The following ATG16L2 variants were observed in gnomAD, a reference collection of about 807,000 sequenced individuals.
ATG16L2 encodes the protein protein Atg16l2.
In ATG16L2, 77 loss-of-function variants were observed where a neutral mutation model predicts 84.7. The ratio of observed to expected loss-of-function variants is 0.91; its 90% CI spans 0.76 to 1.10. ATG16L2 has a LOEUF of 1.10. ATG16L2 is among the 50% of genes least tolerant of loss of function. ATG16L2 has a pLI of 0.00. For missense variants in ATG16L2, 782 were observed against 817.6 expected (o/e 0.96, Z 0.53); for synonymous variants, 361 against 342.8 (o/e 1.05, Z -0.59).
chr11:72,817,696 G>A (rs111451981), intron 2 of ATG16L2, 60 bp from the exon 3 acceptor site: 2 of 1,540,466 alleles, frequency 1.3e-6, no homozygotes, highest in African/African-American at 1.4e-5. Flanking sequence ...CATCACTTGG[G>A]TGCCTTTGGG....
chr11:72,826,509 T>C lies in ATG16L2; in HGVS notation c.1174-9T>C. 1 of 1,613,948 alleles carries C rather than the reference T, an allele frequency of 6.2e-7. No homozygotes were observed. The highest frequency in any genetic ancestry group is 1.3e-5 in the African/African-American group (1 of 75,018). On this transcript the variant is annotated splice_polypyrimidine_tract_variant and intron_variant, in intron 11 of 17. Coordinates refer to ENST00000321297, the MANE Select transcript of ATG16L2 (RefSeq NM_033388.2). ...TTAGCACCTCTCACTTCCTCTCCCA[T>C]TTCTCCAGGGCTACCAGGTTTTAGC...
chr11:72,816,035 G>A (rs546607595), intron 1 of ATG16L2: 6 of 152,570 alleles, frequency 3.9e-5, no homozygotes, highest in Admixed American at 3.9e-4. Flanking sequence ...CTGGAGTGCA[G>A]TGGTGTGATC....
In ATG16L2 at chr11:72,822,712, A is replaced by G. The variant is rs1591303908; in HGVS notation, c.711-136A>G. 4 of 1,042,906 alleles carry G rather than the reference A, an allele frequency of 3.8e-6. No homozygotes were observed. In the South Asian group the frequency reaches 6.2e-5, roughly 16 times the overall value. 64.6% of individuals were successfully genotyped at this position (1,042,906 alleles called of 1,614,324 possible). On this transcript the variant is annotated intron_variant, in intron 6 of 17. Coordinates refer to ENST00000321297, the MANE Select transcript of ATG16L2 (RefSeq NM_033388.2). The surrounding 1 kb of genome is among the most constrained non-coding windows in gnomAD (Gnocchi z 4.2). ...GGACCGTGTGGTCGTAGGAGCCTGC[A>G]TGCGTGACCGCTGCACGTGTACACC...
In ATG16L2 at chr11:72,822,539, A is replaced by G; in HGVS notation, c.706A>G (p.Ser236Gly). ...GGCTGCCAAGCGGACCGTGAGCATC[A>G]GCGAGTAAGAGTGGGGATGGGCCGG... Reference protein sequence around the residue: ...KKAAKRTVSISEGPDTLGDGM... With the variant: ...KKAAKRTVSIGEGPDTLGDGM... The change falls in exon 6 of 18, where the codon AGC becomes GGC. Residue 236 changes from serine to glycine, a missense_variant. By Grantham distance (56) the Ser-to-Gly change is moderately conservative (BLOSUM62 0). Coordinates refer to ENST00000321297, the MANE Select transcript of ATG16L2 (RefSeq NM_033388.2). The surrounding 1 kb of genome is among the most constrained non-coding windows in gnomAD (Gnocchi z 4.2). 1.2e-6 allele frequency: 2 copies of G among 1,612,492 alleles called. No homozygotes were observed. Among genetic ancestry groups the G allele is most frequent in the African/African-American group, 1.3e-5 (1 of 74,928 alleles).
chr11:72,823,594 G>T, intron 7 of ATG16L2: 1 of 427,668 alleles, frequency 2.3e-6, no homozygotes, highest in South Asian at 1.7e-5. Context: ...TGAAGAAACC[G>T]TGGGGAGGGG....
At position 72,821,397 on chromosome 11, in the gene ATG16L2, T is replaced by TG. The variant is rs534666788; in HGVS notation, c.319-270dup. ...GCGAGGCAGTGGAGCGGGTTGCTCT[T>TG]GCCAGAGAGGTTCCTAGTAGGGTCG... On this transcript the variant is annotated intron_variant, in intron 3 of 17. Coordinates refer to ENST00000321297, the MANE Select transcript of ATG16L2 (RefSeq NM_033388.2). 752 of 1,269,850 alleles carry TG rather than the reference T, an allele frequency of 5.9e-4. 16 individuals are homozygous for TG. In the South Asian group the frequency reaches 0.013, roughly 22 times the overall value. The allele number at this position is 1,269,850 out of a possible 1,614,324, so 78.7% of individuals were successfully genotyped here. A position where few individuals can be genotyped will look rare whatever the true frequency, so the allele number is the denominator to read the frequency against.
rs759325995 is a variant in ATG16L2, at chr11:72,822,438, G to T, written c.645-40G>T. 1 of 1,612,098 alleles carries T rather than the reference G, an allele frequency of 6.2e-7. No individual in the cohort carries two copies. Among genetic ancestry groups the T allele is most frequent in the Non-Finnish European group, 8.5e-7 (1 of 1,179,102 alleles). On this transcript the variant is annotated intron_variant, in intron 5 of 17. Coordinates refer to ENST00000321297, the MANE Select transcript of ATG16L2 (RefSeq NM_033388.2). The surrounding 1 kb of genome is among the most constrained non-coding windows in gnomAD (Gnocchi z 4.2). The stretch of plus-strand genomic sequence containing the variant: ...GGGTCTAGCCCCGCCTGCGTGCGAG[G>T]CGCCGCGCCAGGGTCTCAGGATGCT...
Position 72,826,799 on chromosome 11 carries a change from G to A in ATG16L2, c.1342G>A (p.Glu448Lys). 1 of 1,613,956 alleles carries A rather than the reference G, an allele frequency of 6.2e-7. No homozygotes were observed. Among genetic ancestry groups the A allele is most frequent in the Non-Finnish European group, 8.5e-7 (1 of 1,179,972 alleles). Residue 448 changes from glutamate to lysine, a missense_variant, in exon 13 of 18, where the codon GAG (glutamate) becomes AAG (lysine). Physicochemically the swap from Glu to Lys is moderately conservative, Grantham distance 56. Coordinates refer to ENST00000321297, the MANE Select transcript of ATG16L2 (RefSeq NM_033388.2). ...VTGSRDRTVK[E>K]WDLGRAYCSR... ...TGGGAGCCGCGACCGGACAGTGAAG[G>A]AGTGGGACCTCGGCCGTGCCTATTG...
At position 72,826,620 on chromosome 11, in the gene ATG16L2, G is replaced by A. The variant is rs749927245; in HGVS notation, c.1245+31G>A. On this transcript the variant is annotated intron_variant, in intron 12 of 17. Coordinates refer to ENST00000321297, the MANE Select transcript of ATG16L2 (RefSeq NM_033388.2). ...GCCTGACTGGGGAGGCTGCCTGGAG[G>A]TCAGAGGTCATACCTCAGGACTAGG... 40 of 1,614,158 alleles carry A rather than the reference G, an allele frequency of 2.5e-5. No homozygotes were observed. The South Asian group carries it at 2.7e-4, about 11-fold the overall frequency.
In ATG16L2 at chr11:72,826,525, A is replaced by G; in HGVS notation, c.1181A>G (p.Gln394Arg). Residue 394 changes from glutamine (Q) to arginine (R), a missense_variant, in exon 12 of 18, where the codon CAG (glutamine) becomes CGG (arginine). Transcript: ENST00000321297. ...TSVDFDPSGY[Q>R]VLAATYNQAA... ...CCTCTCCCATTTCTCCAGGGCTACC[A>G]GGTTTTAGCAGCAACTTACAACCAG... 6.2e-7 allele frequency: 1 copy of G among 1,614,108 alleles called. No homozygotes were observed. Among genetic ancestry groups the G allele is most frequent in the Non-Finnish European group, 8.5e-7 (1 of 1,180,010 alleles).
At chr11:72,828,201 A>G (rs1860476170) in intron 14 of ATG16L2, among the ~76,000 whole-genome samples, 158 bp from the exon 15 acceptor site, 1 of 152,248 alleles carries the variant, frequency 6.6e-6, no homozygotes, top group Admixed American at 6.5e-5. Flanking sequence ...AGTGGGGAGA[A>G]GGGAGATGAG....
intron 5 of ATG16L2, chr11:72,841,101 A>G: frequency 1.5e-6 from 1 of 673,832 alleles, no homozygotes; most frequent in Non-Finnish European, 2.7e-6. Context: ...CCAGAAGTTC[A>G]AGGCTGCAGT....
chr11:72,822,382 G>A lies in ATG16L2; in HGVS notation c.644+87G>A, dbSNP rs1860061503. 1.3e-6 allele frequency: 2 copies of A among 1,584,386 alleles called. No homozygotes were observed. Among genetic ancestry groups the A allele is most frequent in the Non-Finnish European group, 1.7e-6 (2 of 1,165,924 alleles). ...CCTCGCCGGTGTCTGGAAGGGAGGG[G>A]GGCAGCAGCCGCCCCCTGGAGGAAG... On this transcript the variant is annotated intron_variant, in intron 5 of 17. Coordinates refer to ENST00000321297, the MANE Select transcript of ATG16L2 (RefSeq NM_033388.2). This position sits in a 1 kb window ranked among gnomAD's most constrained non-coding sequence, Gnocchi z 4.2.
At chr11:72,817,114 C>T (rs1343212998) in intron 2 of ATG16L2, among the ~76,000 whole-genome samples, 3 of 152,224 alleles carry the variant, frequency 2.0e-5, no homozygotes, top group African/African-American at 7.2e-5. Flanking sequence ...TTTTCCCTTT[C>T]TCAGTCTTTT....
intron 5 of ATG16L2, chr11:72,841,039 G>T: frequency 9.3e-7 from 1 of 1,076,474 alleles, no homozygotes; most frequent in Non-Finnish European, 1.4e-6. Flanking sequence ...ATGGTGGCTT[G>T]AGCCTGTAAT....
chr11:72,826,241 T>A lies in ATG16L2; in HGVS notation c.1171T>A (p.Ser391Thr). ...GSITSVDFDP[S>T]GYQVLAATYN... ...CATCACCAGTGTGGACTTTGACCCCTCGGTGAGGAACTCTGCCCCAGTGGC... is the reference window on the plus strand; with the variant it reads ...CATCACCAGTGTGGACTTTGACCCCACGGTGAGGAACTCTGCCCCAGTGGC... The change falls in exon 11 of 18, where the codon TCG becomes ACG. Residue 391 changes from serine to threonine, a missense_variant and splice_region_variant. By Grantham distance (58) the Ser-to-Thr change is moderately conservative. Transcript: ENST00000321297. 6.2e-7 allele frequency: 1 copy of A among 1,613,742 alleles called. No individual in the cohort carries two copies. The highest frequency in any genetic ancestry group is 8.5e-7 in the Non-Finnish European group (1 of 1,179,818).
At chr11:72,835,301 A>T (rs990976004) in intron 5 of ATG16L2, among the ~76,000 whole-genome samples, 24 of 152,188 alleles carry the variant, frequency 1.6e-4, no homozygotes, top group African/African-American at 5.8e-4. Context: ...GGGCCTTATG[A>T]CAACTCTGTG....
At chr11:72,816,654 C>T (rs571279922) in intron 1 of ATG16L2, 74 bp from the exon 2 acceptor site, 26 of 1,255,374 alleles carry the variant, frequency 2.1e-5, no homozygotes, top group South Asian at 6.1e-5. Flanking sequence ...CCCTTTTAGC[C>T]GGAGATAAAT....
At chr11:72,832,072 A>G (rs1313891370), downstream of ATG16L2, among the ~76,000 whole-genome samples, 3 of 152,170 alleles carry the variant, frequency 2.0e-5, no homozygotes, top group African/African-American at 7.2e-5. Flanking sequence ...GACGGTTAGT[A>G]TCCCTTGAAG....
Sources: gnomAD v4.1 joint callset for allele counts (sites outside exome capture counted in the v4.1 genomes callset) on GRCh38, gnomAD v4.1.1 for gene constraint, Gnocchi (gnomAD v3.1) non-coding constraint, MANE v1.5 for transcripts, NCBI Gene and HGNC (gene_info 2026-07-23, HGNC 2026-07-21) for gene names.